KPNA7: variants seen among roughly 807,000 people sequenced by gnomAD.
KPNA7 encodes importin subunit alpha-8.
KPNA7 carries 54 observed loss-of-function variants against 53.7 expected under a neutral mutation model. That is an observed-to-expected ratio of 1.01 (90% CI 0.81 to 1.26). The LOEUF is 1.26. KPNA7 is among the 50% of genes most tolerant of loss of function. The pLI is 0.00. For missense variants in KPNA7, 640 were observed against 644.5 expected, an observed-to-expected ratio of 0.99 and a Z score of 0.07; for synonymous variants, 276 against 259.3, an observed-to-expected ratio of 1.06 and a Z score of -0.62.
intron 6 of KPNA7, among the ~76,000 whole-genome samples, chr7:99,188,909 T>C (rs149608546): frequency 1.6e-3 from 238 of 152,280 alleles, no homozygotes; most frequent in African/African-American, 5.2e-3. Context: ...CTTGAACTCC[T>C]GGCCTCAAGT....
chr7:99,169,348 A>G (rs1798730281), downstream of KPNA7, among the ~76,000 whole-genome samples: 1 of 151,948 alleles, frequency 6.6e-6, no homozygotes, highest in Non-Finnish European at 1.5e-5. Context: ...GGCTGGGTAC[A>G]GTGGCTCACG....
At chr7:99,172,657 GA>G (rs1798789961), downstream of KPNA7, among the ~76,000 whole-genome samples, 1 of 152,162 alleles carries the variant, frequency 6.6e-6, no homozygotes, top group Non-Finnish European at 1.5e-5. Flanking sequence ...AGTTTCTAGA[GA>G]AAATTATCTT....
chr7:99,184,374 G>A (rs1231050374), intron 8 of KPNA7, among the ~76,000 whole-genome samples: 1 of 151,984 alleles, frequency 6.6e-6, no homozygotes, highest in Non-Finnish European at 1.5e-5. Context: ...CATTGCCCAG[G>A]CTGGTCTCAA....
chr7:99,149,021 G>A, the KPNA7 span, among the ~76,000 whole-genome samples: 6 of 150,064 alleles, frequency 4.0e-5, no homozygotes, highest in African/African-American at 7.3e-5. Context: ...TCAGCCTTCC[G>A]AGTAGCTGGG....
intron 2 of KPNA7, among the ~76,000 whole-genome samples, chr7:99,205,435 A>G (rs945464670): frequency 2.3e-5 from 3 of 132,610 alleles, no homozygotes; most frequent in Admixed American, 7.9e-5. Context: ...AAAAAAAAAA[A>G]GTGATTTTGT....
At chr7:99,146,989 C>T in the KPNA7 span, among the ~76,000 whole-genome samples, 22 of 152,076 alleles carry the variant, frequency 1.4e-4, no homozygotes, top group African/African-American at 5.3e-4. Context: ...TAAGTCAAAC[C>T]GTCATAAACT....
At chr7:99,155,761 C>T in the KPNA7 span, among the ~76,000 whole-genome samples, 1 of 149,842 alleles carries the variant, frequency 6.7e-6, no homozygotes, top group African/African-American at 2.5e-5. Context: ...GATGGGTTTT[C>T]ATCATATTGC....
chr7:99,199,151 A>G (rs115376221), intron 3 of KPNA7, among the ~76,000 whole-genome samples: 1,656 of 151,668 alleles, frequency 0.011, 24 homozygotes, highest in African/African-American at 0.039. Context: ...TTAAGATGGC[A>G]ATACTCCAAC....
the KPNA7 span, among the ~76,000 whole-genome samples, chr7:99,164,543 G>T: frequency 6.6e-6 from 1 of 152,010 alleles, no homozygotes. Flanking sequence ...TGTAAATGAC[G>T]AGTTAATGGG....
chr7:99,171,565 C>A (rs908163250), downstream of KPNA7, among the ~76,000 whole-genome samples: 1 of 152,094 alleles, frequency 6.6e-6, no homozygotes. Context: ...CCTTGGCTTC[C>A]CAAAGCCAAA....
At position 99,216,591 on chromosome 7, in the gene KPNA7, T is replaced by G. The variant is rs141241515; in HGVS notation, c.-23-9102A>C. ...CTCTTTTTTTTTGTGAGATGGAGTC[T>G]GGCTCTGTCGCCCAGGCTAGAATGC... On this transcript the variant is annotated intron_variant, in intron 1 of 10. Transcript: ENST00000681060. 3.2e-3 allele frequency among the ~76,000 whole-genome samples: 493 copies of G among 152,208 alleles called. 3 individuals carry two copies. The highest frequency in any genetic ancestry group is 0.011 in the African/African-American group (471 of 41,534).
intron 6 of KPNA7, among the ~76,000 whole-genome samples, chr7:99,190,523 T>G (rs1232679205): frequency 1.3e-5 from 2 of 152,134 alleles, no homozygotes; most frequent in Non-Finnish European, 2.9e-5. Flanking sequence ...ACACTCTAGG[T>G]CAGGGGTTGA....
rs140280583 is a variant in KPNA7 at position 99,180,626 on chromosome 7, TCC to T, written c.1317+1255_1317+1256del. Among the ~76,000 whole-genome samples the T allele has an allele frequency of 1.1e-3, 85 of 75,896 alleles. 2 individuals are homozygous for T. Among genetic ancestry groups the T allele is most frequent in the Admixed American group, 3.5e-3 (29 of 8,366 alleles). The allele number at this position is 75,896 out of a possible 152,430, so 49.8% of individuals were successfully genotyped here. A position where few individuals can be genotyped will look rare whatever the true frequency, so the allele number is the denominator to read the frequency against. On this transcript the variant is annotated intron_variant, in intron 9 of 10. Transcript: ENST00000327442. ...CTCTGTCTCTCTCCCCATCTCTCTC[TCC>T]CCGTCTCTCTCTCCGTCTCTGTCTC...
the KPNA7 span, among the ~76,000 whole-genome samples, chr7:99,161,222 A>ACTCTCTCT: frequency 8.3e-4 from 123 of 147,786 alleles, 2 homozygotes; most frequent in African/African-American, 3.0e-3. Context: ...ATGTACACAA[A>ACTCTCTCT]CTCTCTCTCT....
At chr7:99,188,704 G>T in intron 6 of KPNA7, 141 bp from the exon 7 acceptor site, 1 of 924,050 alleles carries the variant, frequency 1.1e-6, no homozygotes, top group Non-Finnish European at 1.6e-6. Flanking sequence ...TTTTCAGACA[G>T]CCTTGCTCTG....
At chr7:99,163,238 T>G in the KPNA7 span, among the ~76,000 whole-genome samples, 1 of 150,906 alleles carries the variant, frequency 6.6e-6, no homozygotes, top group Non-Finnish European at 1.5e-5. Flanking sequence ...ACAAAAATTA[T>G]TGTATTGAAG....
At chr7:99,159,292 T>C in the KPNA7 span, among the ~76,000 whole-genome samples, 1 of 134,130 alleles carries the variant, frequency 7.5e-6, no homozygotes, top group South Asian at 2.4e-4. Context: ...AAGGCTGTAC[T>C]GAGCTATGAT....
chr7:99,158,801 C>G, the KPNA7 span, among the ~76,000 whole-genome samples: 1 of 152,202 alleles, frequency 6.6e-6, no homozygotes, highest in Admixed American at 6.5e-5. Flanking sequence ...CACACTCAGC[C>G]CAGTTCTACT....
the KPNA7 span, among the ~76,000 whole-genome samples, chr7:99,163,678 C>T: frequency 1.2e-4 from 18 of 151,718 alleles, no homozygotes; most frequent in Non-Finnish European, 5.9e-5. Flanking sequence ...TAAGCCACCA[C>T]GCCTGGCCTA....
Sources: gnomAD v4.1 joint callset for allele counts (sites outside exome capture counted in the v4.1 genomes callset) on GRCh38, gnomAD v4.1.1 for gene constraint, MANE v1.5 for transcripts, NCBI Gene and HGNC (gene_info 2026-07-23, HGNC 2026-07-21) for gene names.